Variants in BRIP1 observed in about 807,000 individuals in gnomAD.
BRIP1 encodes BRCA1 interacting DNA helicase 1.
In BRIP1, 88 loss-of-function variants were observed where a neutral mutation model predicts 119.7. That is an observed-to-expected ratio of 0.74 (90% CI 0.62 to 0.88). The LOEUF (loss-of-function observed/expected upper bound fraction) is 0.88. Among genes scored for constraint, BRIP1 ranks in the 40% least tolerant of loss-of-function variants. The pLI, the probability that BRIP1 is intolerant of heterozygous loss-of-function variation, is 0.00. For synonymous variants in BRIP1, 443 were observed against 496.5 expected, an observed-to-expected ratio of 0.89 and a Z score of 1.43; for missense variants, 1,259 against 1,455.4, an observed-to-expected ratio of 0.87 and a Z score of 2.20.
At position 61,776,205 on chromosome 17, in the gene BRIP1, A is replaced by G. The variant is rs2077529809; in HGVS notation, c.2097+196T>C. 1.1e-5 allele frequency: 7 copies of G among 622,838 alleles called. No homozygotes were observed. In the Admixed American group the frequency reaches 2.1e-4, roughly 19 times the overall value. The allele number at this position is 622,838 out of a possible 1,614,324, so 38.6% of individuals were successfully genotyped here. The stretch of plus-strand genomic sequence containing the variant: ...CCTTGCTCTTTCAGACTTTTAAGTA[A>G]AACAGAGGTAGGACAATCAGGCAGT... On this transcript the variant is annotated intron_variant, in intron 14 of 19. Coordinates refer to ENST00000259008, the MANE Select transcript of BRIP1 (RefSeq NM_032043.3). This position sits in a 1 kb window ranked among gnomAD's most constrained non-coding sequence, Gnocchi z 5.0.
rs2077942654 is a variant in BRIP1, at chr17:61,798,932, G to C, written c.1340+168C>G. Among the ~76,000 whole-genome samples, 1 of 152,000 alleles carries C rather than the reference G, an allele frequency of 6.6e-6. No homozygotes were observed. Among genetic ancestry groups the C allele is most frequent in the African/African-American group, 2.4e-5 (1 of 41,420 alleles). On this transcript the variant is annotated intron_variant, in intron 9 of 19. Transcript: ENST00000259008. This position sits in a 1 kb window ranked among gnomAD's most constrained non-coding sequence, Gnocchi z 5.5. The stretch of plus-strand genomic sequence containing the variant: ...ATGTTCATTATATTCTTGTGAACAA[G>C]ACAAAAGGTTGGACTAGCCTTGTTT...
At chr17:61,731,823 T>C (rs2076847124) in intron 16 of BRIP1, among the ~76,000 whole-genome samples, 1 of 151,338 alleles carries the variant, frequency 6.6e-6, no homozygotes, top group Non-Finnish European at 1.5e-5. Flanking sequence ...TGCTAGACTA[T>C]AAGCAACATG....
At chr17:61,741,439 G>GT (rs1407492593) in intron 16 of BRIP1, among the ~76,000 whole-genome samples, 3 of 152,066 alleles carry the variant, frequency 2.0e-5, no homozygotes, top group Non-Finnish European at 4.4e-5. Flanking sequence ...TTTCCAGAAG[G>GT]TTTTTAATCG....
At chr17:61,785,457 G>A (rs2077691604) in intron 10 of BRIP1, among the ~76,000 whole-genome samples, 1 of 152,028 alleles carries the variant, frequency 6.6e-6, no homozygotes, top group South Asian at 2.1e-4. Flanking sequence ...AATAAAATGT[G>A]TTCAATGAAA....
At position 61,722,038 on chromosome 17, in the gene BRIP1, T is replaced by C. The variant is rs1346000228; in HGVS notation, c.2380-5975A>G. The stretch of plus-strand genomic sequence containing the variant: ...GCCACCACGCCTAGCCAACTTTGCT[T>C]TTTTTTTTTTTCTTTTTTTTTGAGA... On this transcript the variant is annotated intron_variant, in intron 16 of 19. Transcript: ENST00000259008. This position sits in a 1 kb window ranked among gnomAD's most constrained non-coding sequence, Gnocchi z 4.6. Among the ~76,000 whole-genome samples, 3 of 2,284 alleles carry C rather than the reference T, an allele frequency of 1.3e-3. No individual in the cohort carries two copies. Among genetic ancestry groups the C allele is most frequent in the Non-Finnish European group, 0.023 (2 of 88 alleles). The allele number at this position is 2,284 out of a possible 152,430, so 1.5% of individuals were successfully genotyped here. A position where few individuals can be genotyped will look rare whatever the true frequency, so the allele number is the denominator to read the frequency against.
chr17:61,733,364 T>G (rs1223588037), intron 16 of BRIP1, among the ~76,000 whole-genome samples: 1 of 152,160 alleles, frequency 6.6e-6, no homozygotes, highest in Non-Finnish European at 1.5e-5. Flanking sequence ...AAAAAATTTT[T>G]TTTTAATTCC....
rs2061693170 is a variant in BRIP1, at chr17:61,706,609, T to G, written c.2492+9342A>C. On this transcript the variant is annotated intron_variant, in intron 17 of 19. Coordinates refer to ENST00000259008, the MANE Select transcript of BRIP1 (RefSeq NM_032043.3). The surrounding 1 kb of genome is among the most constrained non-coding windows in gnomAD (Gnocchi z 5.7). Reference sequence around the variant, plus strand: ...GGAACATTGATCCTACTACTACTTCTTGGTTTTTGAACTTTAGAACTTACG... The same window carrying G: ...GGAACATTGATCCTACTACTACTTCGTGGTTTTTGAACTTTAGAACTTACG... Among the ~76,000 whole-genome samples the G allele has an allele frequency of 6.6e-6, 1 of 152,148 alleles. No homozygotes were observed. The highest frequency in any genetic ancestry group is 6.5e-5 in the Admixed American group (1 of 15,270).
At position 61,680,694 on chromosome 17, in the gene BRIP1, T is replaced by C. The variant is rs1441689781; in HGVS notation, c.*2602A>G. ...CGGGGTTTCACCGTGTTAACCAGGA[T>C]GGTCTCGATCTCCTGACCTCGTGAT... On this transcript the variant is annotated 3_prime_UTR_variant, in exon 20 of 20. Transcript: ENST00000259008. Among the ~76,000 whole-genome samples the C allele has an allele frequency of 1.3e-5, 2 of 151,962 alleles. No homozygotes were observed. Among genetic ancestry groups the C allele is most frequent in the Non-Finnish European group, 2.9e-5 (2 of 67,974 alleles).
rs2144699097 is a variant in BRIP1, at chr17:61,744,533, A to T, written c.2156T>A (p.Leu719Ter). 6.2e-7 allele frequency: 1 copy of T among 1,613,880 alleles called. No individual in the cohort carries two copies. The highest frequency in any genetic ancestry group is 1.1e-5 in the South Asian group (1 of 91,080). The change falls in exon 15 of 20, where the codon TTG becomes TAG. Residue 719 changes from leucine (L) to a stop codon, truncating the protein, a stop_gained. Coordinates refer to ENST00000259008, the MANE Select transcript of BRIP1 (RefSeq NM_032043.3). LOFTEE classifies it high-confidence loss of function. This position sits in a 1 kb window ranked among gnomAD's most constrained non-coding sequence, Gnocchi z 5.0. ...LSTGLWHNLE[L>*]VKTVIVEPQG... ...TGGTTCTACAATGACTGTCTTCACCAACTCCAGATTATGCCATAAACCAGT... is the reference window on the plus strand; with the variant it reads ...TGGTTCTACAATGACTGTCTTCACCTACTCCAGATTATGCCATAAACCAGT...
chr17:61,776,509 G>A lies in BRIP1; in HGVS notation c.1989C>T (p.Thr663=), dbSNP rs376628979. Residue 663 remains threonine (T), a synonymous_variant, in exon 14 of 20, where the codon ACC becomes ACT. Coordinates refer to ENST00000259008, the MANE Select transcript of BRIP1 (RefSeq NM_032043.3). The surrounding 1 kb of genome is among the most constrained non-coding windows in gnomAD (Gnocchi z 5.0). ...ACTCAAATGTTTCAGTATTCTGGAA[G>A]GTAGCACAGAGATTCCGACCCTTGG... ...SGPKGRNLCA[T]FQNTETFEFQ... The A allele has an allele frequency of 1.9e-6, 3 of 1,613,998 alleles. No individual in the cohort carries two copies. Among genetic ancestry groups the A allele is most frequent in the Non-Finnish European group, 2.5e-6 (3 of 1,180,022 alleles).
chr17:61,828,712 T>A lies in BRIP1; in HGVS notation c.627+18389A>T, dbSNP rs557399973. On this transcript the variant is annotated intron_variant, in intron 6 of 19. Transcript: ENST00000259008. The surrounding 1 kb of genome is among the most constrained non-coding windows in gnomAD (Gnocchi z 4.1). ...CACCAGAAGTGAAAAACTGGAGGGT[T>A]AAGAAAGAAATTATTTTCCTCATTT... 4.6e-5 allele frequency among the ~76,000 whole-genome samples: 7 copies of A among 152,248 alleles called. No individual in the cohort carries two copies. Among genetic ancestry groups the A allele is most frequent in the African/African-American group, 1.7e-4 (7 of 41,556 alleles).
intron 3 of BRIP1, 132 bp downstream of exon 3, chr17:61,859,664 A>G: frequency 1.5e-6 from 1 of 687,642 alleles, no homozygotes; most frequent in Non-Finnish European, 2.6e-6. Context: ...TTTATAACTT[A>G]TTTCAAAGAA....
At position 61,844,589 on chromosome 17, in the gene BRIP1, C is replaced by T. The variant is rs1284048282; in HGVS notation, c.627+2512G>A. Among the ~76,000 whole-genome samples the T allele has an allele frequency of 6.6e-6, 1 of 152,084 alleles. No individual in the cohort carries two copies. Among genetic ancestry groups the T allele is most frequent in the East Asian group, 1.9e-4 (1 of 5,190 alleles). On this transcript the variant is annotated intron_variant, in intron 6 of 19. Coordinates refer to ENST00000259008, the MANE Select transcript of BRIP1 (RefSeq NM_032043.3). This position sits in a 1 kb window ranked among gnomAD's most constrained non-coding sequence, Gnocchi z 4.7. ...TGGGCAACACATTGAGACCCTGTGT[C>T]TACAAATAAAGCAAACAAAAACAAT...
chr17:61,728,025 C>T (rs1353628628), intron 16 of BRIP1, among the ~76,000 whole-genome samples: 1 of 151,746 alleles, frequency 6.6e-6, no homozygotes, highest in Non-Finnish European at 1.5e-5. Context: ...CACGGGGTTT[C>T]GCCATGTTGG....
chr17:61,685,820 G>A lies in BRIP1; in HGVS notation c.2905+16C>T, dbSNP rs778341139. On this transcript the variant is annotated intron_variant, in intron 19 of 19. Coordinates refer to ENST00000259008, the MANE Select transcript of BRIP1 (RefSeq NM_032043.3). ...AGACTTCTCTATCAAAGGTAAATGG[G>A]AAGAACTTTTCATACTTTTCTCCTT... The A allele has an allele frequency of 1.9e-6, 3 of 1,584,438 alleles. No homozygotes were observed. In the East Asian group the frequency reaches 6.7e-5, roughly 35 times the overall value.
At position 61,798,372 on chromosome 17, in the gene BRIP1, G is replaced by A. The variant is rs988071255; in HGVS notation, c.1340+728C>T. ...ATATCTAATATTGGTTCATAAATGA[G>A]TAATATGCATTGAATGATAAACTTG... is the stretch of plus-strand genomic sequence containing the variant. On this transcript the variant is annotated intron_variant, in intron 9 of 19. Coordinates refer to ENST00000259008, the MANE Select transcript of BRIP1 (RefSeq NM_032043.3). The surrounding 1 kb of genome is among the most constrained non-coding windows in gnomAD (Gnocchi z 5.5). Among the ~76,000 whole-genome samples, 9 of 151,938 alleles carry A rather than the reference G, an allele frequency of 5.9e-5. No homozygotes were observed. The highest frequency in any genetic ancestry group is 2.2e-4 in the African/African-American group (9 of 41,412).
chr17:61,764,096 T>C (rs889719353), intron 14 of BRIP1, among the ~76,000 whole-genome samples: 2 of 152,208 alleles, frequency 1.3e-5, no homozygotes, highest in African/African-American at 4.8e-5. Flanking sequence ...ATAAAATACA[T>C]TGTAGCTCAG....
chr17:61,731,877 G>A (rs976312358), intron 16 of BRIP1, among the ~76,000 whole-genome samples: 1 of 146,712 alleles, frequency 6.8e-6, no homozygotes, highest in Non-Finnish European at 1.5e-5. Context: ...TCTGTCCCCT[G>A]AGTCTATTAT....
rs886749976 is a variant in BRIP1 at position 61,693,017 on chromosome 17, C to T, written c.2575+413G>A. Among the ~76,000 whole-genome samples the T allele has an allele frequency of 1.3e-5, 2 of 151,962 alleles. No individual in the cohort carries two copies. The highest frequency in any genetic ancestry group is 4.8e-5 in the African/African-American group (2 of 41,372). ...TAAAGAAAATATGGTATAATGTATA[C>T]ATAAAATAAAATATTAAGCAGTCAT... is the stretch of plus-strand genomic sequence containing the variant. On this transcript the variant is annotated intron_variant, in intron 18 of 19. Coordinates refer to ENST00000259008, the MANE Select transcript of BRIP1 (RefSeq NM_032043.3). This position sits in a 1 kb window ranked among gnomAD's most constrained non-coding sequence, Gnocchi z 4.2.
Sources: allele counts gnomAD v4.1 joint callset (sites outside exome capture counted in the v4.1 genomes callset), GRCh38; gene constraint gnomAD v4.1.1; non-coding constraint Gnocchi (gnomAD v3.1); transcripts MANE v1.5; gene names NCBI Gene and HGNC (gene_info 2026-07-23, HGNC 2026-07-21).